The following WDR19 variants were observed in gnomAD, a reference collection of about 807,000 sequenced individuals.
WDR19 encodes WD repeat domain 19, also known as WD repeat-containing protein 19.
WDR19 carries 121 observed loss-of-function variants against 180.0 expected under a neutral mutation model. The ratio of observed to expected loss-of-function variants is 0.67; its 90% CI spans 0.58 to 0.78. The LOEUF (loss-of-function observed/expected upper bound fraction) is 0.78. WDR19 is among the 30% of genes least tolerant of loss of function. The pLI is 0.00. For missense variants in WDR19, 1,450 were observed against 1,640.7 expected (o/e 0.88, Z 2.01); for synonymous variants, 497 against 540.7 (o/e 0.92, Z 1.12).
At chr4:39,206,995 T>C (rs1364707320) in intron 9 of WDR19, among the ~76,000 whole-genome samples, 10 of 152,128 alleles carry the variant, frequency 6.6e-5, no homozygotes, top group Non-Finnish European at 1.0e-4. Context: ...TATGAAGAAT[T>C]AGGAGAATTT....
intron 14 of WDR19, 151 bp downstream of exon 14, chr4:39,218,256 G>T: frequency 9.9e-7 from 1 of 1,006,490 alleles, no homozygotes. Flanking sequence ...ACATTCATGT[G>T]TCTCTTTGCA....
intron 36 of WDR19, among the ~76,000 whole-genome samples, chr4:39,281,264 A>AGAGAGAGAGAGAGAGAGAGAGAG (rs1553920012): frequency 2.0e-5 from 2 of 99,476 alleles, no homozygotes; most frequent in African/African-American, 9.6e-5. Flanking sequence ...GAGAGAGAGA[A>AGAGAGAGAGAGAGAGAGAGAGAG]AGCCTACTAA....
intron 36 of WDR19, among the ~76,000 whole-genome samples, chr4:39,282,281 G>A (rs1209452610): frequency 1.3e-5 from 2 of 152,172 alleles, no homozygotes; most frequent in African/African-American, 4.8e-5. Flanking sequence ...AGTTAACATT[G>A]ATTCTGTAGA....
intron 19 of WDR19, among the ~76,000 whole-genome samples, chr4:39,233,768 G>C (rs1262232145): frequency 1.3e-5 from 2 of 152,144 alleles, no homozygotes; most frequent in African/African-American, 4.8e-5. Flanking sequence ...TCAAAACTTG[G>C]ATTAGTACTC....
chr4:39,194,143 A>G (rs908696487), intron 4 of WDR19, among the ~76,000 whole-genome samples: 1 of 152,140 alleles, frequency 6.6e-6, no homozygotes, highest in Non-Finnish European at 1.5e-5. Flanking sequence ...TGAATTCCCA[A>G]TGATTTTTAC....
chr4:39,224,984 C>T lies in WDR19; in HGVS notation c.1580C>T (p.Thr527Ile). 6.4e-7 allele frequency: 1 copy of T among 1,573,514 alleles called. No homozygotes were observed. Among genetic ancestry groups the T allele is most frequent in the Non-Finnish European group, 8.6e-7 (1 of 1,159,514 alleles). ...AAGATTTTTCCCGACCCAAATGGGACCAGATTAGTTTTCATTGATGAAAAA... is the reference window on the plus strand; with the variant it reads ...AAGATTTTTCCCGACCCAAATGGGATCAGATTAGTTTTCATTGATGAAAAA... ...VKKIFPDPNG[T>I]RLVFIDEKSD... is the part of the protein sequence containing the mutation. The change falls in exon 15 of 37, where the codon ACC becomes ATC. Residue 527 changes from threonine (T) to isoleucine (I), a missense_variant. Physicochemically the swap from Thr to Ile is moderately conservative, Grantham distance 89. Coordinates refer to ENST00000399820, the MANE Select transcript of WDR19 (RefSeq NM_025132.4).
chr4:39,192,291 G>A (rs1726251366), intron 4 of WDR19, among the ~76,000 whole-genome samples: 1 of 152,132 alleles, frequency 6.6e-6, no homozygotes. Flanking sequence ...GAGTCTCCAA[G>A]ACAGGATTAA....
chr4:39,281,264 A>AGAGAGAGAGAGAGAGAGAGAG (rs1553920012), intron 36 of WDR19, among the ~76,000 whole-genome samples: 4 of 99,480 alleles, frequency 4.0e-5, no homozygotes, highest in Non-Finnish European at 8.1e-5. Flanking sequence ...GAGAGAGAGA[A>AGAGAGAGAGAGAGAGAGAGAG]AGCCTACTAA....
At chr4:39,254,115 A>G in intron 26 of WDR19, 85 bp downstream of exon 26, 2 of 1,407,212 alleles carry the variant, frequency 1.4e-6, no homozygotes, top group South Asian at 1.4e-5. Context: ...TCAGATTGGT[A>G]TACATACAAG....
Position 39,199,558 on chromosome 4 carries a change from A to G in WDR19, c.487A>G (p.Thr163Ala). ...LALGGEDKMI[T>A]VSNQEGDTIR... ...TTTAGGTGGTGAAGATAAAATGATT[A>G]CAGTTAGTAATCAGGAAGGTGACAC... The change falls in exon 6 of 37, where the codon ACA (threonine) becomes GCA (alanine). Residue 163 changes from threonine to alanine, a missense_variant. Physicochemically the swap from Thr to Ala is moderately conservative, Grantham distance 58. Transcript: ENST00000399820. 1 of 1,613,540 alleles carries G rather than the reference A, an allele frequency of 6.2e-7. No individual in the cohort carries two copies. Among genetic ancestry groups the G allele is most frequent in the Non-Finnish European group, 8.5e-7 (1 of 1,179,710 alleles).
intron 9 of WDR19, among the ~76,000 whole-genome samples, chr4:39,210,235 C>T (rs998921733): frequency 4.6e-5 from 7 of 152,148 alleles, no homozygotes; most frequent in East Asian, 1.9e-4. Flanking sequence ...AGAAAAAGTA[C>T]AGGTCAATAT....
At chr4:39,278,427 G>C (rs1736125858) in intron 35 of WDR19, 112 bp from the exon 36 acceptor site, 1 of 845,506 alleles carries the variant, frequency 1.2e-6, no homozygotes, top group Admixed American at 2.8e-5. Flanking sequence ...TTGCATGGTG[G>C]ACATGTGTTA....
intron 9 of WDR19, 36 bp downstream of exon 9, chr4:39,205,772 A>G (rs1476713150): frequency 2.0e-6 from 3 of 1,529,694 alleles, no homozygotes; most frequent in East Asian, 2.4e-5. Context: ...GAAAGCTTAT[A>G]TAGTAAATAC....
intron 24 of WDR19, among the ~76,000 whole-genome samples, chr4:39,250,123 A>C (rs1300109473): frequency 6.6e-6 from 1 of 152,024 alleles, no homozygotes; most frequent in East Asian, 1.9e-4. Flanking sequence ...CGAATCCAGC[A>C]ACACATCAAA....
chr4:39,217,255 G>T lies in WDR19; in HGVS notation c.1356+15G>T. On this transcript the variant is annotated intron_variant, in intron 13 of 36. Coordinates refer to ENST00000399820, the MANE Select transcript of WDR19 (RefSeq NM_025132.4). ...AGTTACATTTGGTAAGTATAATTTTGATGTCCTGGAGACGCGCTAAGTTAT... is the reference window on the plus strand; with the variant it reads ...AGTTACATTTGGTAAGTATAATTTTTATGTCCTGGAGACGCGCTAAGTTAT... The T allele has an allele frequency of 6.4e-7, 1 of 1,555,778 alleles. No individual in the cohort carries two copies. The highest frequency in any genetic ancestry group is 2.3e-5 in the East Asian group (1 of 43,496).
intron 8 of WDR19, 56 bp downstream of exon 8, chr4:39,205,322 G>A (rs1441786542): frequency 2.1e-6 from 3 of 1,400,104 alleles, no homozygotes; most frequent in Non-Finnish European, 2.9e-6. Context: ...GACATCTGTA[G>A]GTTTTTCCTT....
chr4:39,221,300 A>T (rs1560507387), intron 14 of WDR19, among the ~76,000 whole-genome samples: 1 of 152,192 alleles, frequency 6.6e-6, no homozygotes, highest in East Asian at 1.9e-4. Flanking sequence ...GAAGATTGAG[A>T]GGCTAGCAAG....
At chr4:39,245,130 A>G (rs1395389519) in intron 23 of WDR19, among the ~76,000 whole-genome samples, 2 of 150,644 alleles carry the variant, frequency 1.3e-5, no homozygotes, top group Non-Finnish European at 3.0e-5. Flanking sequence ...TTTTTCTAGT[A>G]GAGGTGGGGT....
intron 9 of WDR19, among the ~76,000 whole-genome samples, chr4:39,207,983 T>C (rs1728123183): frequency 6.6e-6 from 1 of 152,144 alleles, no homozygotes; most frequent in African/African-American, 2.4e-5. Flanking sequence ...GGGTAAAAGT[T>C]TTTGTATGCG....
Sources: allele counts gnomAD v4.1 joint callset (sites outside exome capture counted in the v4.1 genomes callset), GRCh38; gene constraint gnomAD v4.1.1; transcripts MANE v1.5; gene names NCBI Gene and HGNC (gene_info 2026-07-23, HGNC 2026-07-21).